Variants in SIDT1 observed in about 807,000 individuals in gnomAD.
The protein encoded by SIDT1 is SID1 transmembrane family, member 1.
In SIDT1, 101 loss-of-function variants were observed where a neutral mutation model predicts 107.5. That is an observed-to-expected ratio of 0.94 (90% CI 0.80 to 1.11). The LOEUF is 1.11. SIDT1 is among the 50% of genes least tolerant of loss of function. The pLI, the probability that SIDT1 is intolerant of heterozygous loss-of-function variation, is 0.00. For synonymous variants in SIDT1, 395 were observed against 398.2 expected (o/e 0.99, Z 0.10); for missense variants, 1,076 against 1,058.2 (o/e 1.02, Z -0.23).
Position 113,585,263 on chromosome 3 carries a change from T to C in SIDT1, c.994T>C (p.Tyr332His), listed in dbSNP as rs1281255918. 6.2e-7 allele frequency: 1 copy of C among 1,608,572 alleles called. No individual in the cohort carries two copies. The highest frequency in any genetic ancestry group is 8.5e-7 in the Non-Finnish European group (1 of 1,175,036). Residue 332 changes from tyrosine to histidine, a missense_variant, in exon 9 of 25, where the codon TAT (tyrosine) becomes CAT (histidine). Coordinates refer to ENST00000264852, the MANE Select transcript of SIDT1 (RefSeq NM_017699.3). The part of the protein sequence containing the change: ...LGCLLVGFVH[Y>H]LRFQRKSIDG... ...ATGCCTTCTTGTTGGGTTTGTTCAT[T>C]ATCTGAGGTAGGTCAATCTTTTCTA...
chr3:113,624,610 A>G (rs887411889), intron 23 of SIDT1, among the ~76,000 whole-genome samples: 1 of 152,212 alleles, frequency 6.6e-6, no homozygotes, highest in African/African-American at 2.4e-5. Context: ...TATAAAATTT[A>G]CCATCGTTAC....
chr3:113,581,177 C>T (rs536674308), intron 5 of SIDT1, among the ~76,000 whole-genome samples, 184 bp from the exon 6 acceptor site: 78 of 152,044 alleles, frequency 5.1e-4, no homozygotes, highest in African/African-American at 1.5e-3. Flanking sequence ...CTTTAGAGGA[C>T]GAGGCCCCAA....
Position 113,607,059 on chromosome 3 carries a change from A to AACTGGCG in SIDT1, c.1425_1426insTGGCGAC (p.Gln476TrpfsTer94). 1 of 1,612,518 alleles carries AACTGGCG rather than the reference A, an allele frequency of 6.2e-7. No individual in the cohort carries two copies. The highest frequency in any genetic ancestry group is 8.5e-7 in the Non-Finnish European group (1 of 1,178,542). ...TTTACAGGTGGTAAATGTCACTGGCAACCAGGACATCTGTTACTACAACTT... is the reference window on the plus strand; with the variant it reads ...TTTACAGGTGGTAAATGTCACTGGCAACTGGCGACCAGGACATCTGTTACTACAACTT... On this transcript the variant is annotated frameshift_variant, in exon 15 of 25. Coordinates refer to ENST00000264852, the MANE Select transcript of SIDT1 (RefSeq NM_017699.3). LOFTEE classifies it high-confidence loss of function.
intron 1 of SIDT1, among the ~76,000 whole-genome samples, chr3:113,539,705 G>A (rs770048067): frequency 3.9e-5 from 6 of 152,104 alleles, no homozygotes; most frequent in Non-Finnish European, 7.4e-5. Flanking sequence ...TACTATCTTA[G>A]TGTGTTTGTA....
intron 9 of SIDT1, among the ~76,000 whole-genome samples, chr3:113,589,298 C>T (rs17259475): frequency 0.16 from 23,780 of 152,132 alleles, 1,939 homozygotes; most frequent in Non-Finnish European, 0.19. Flanking sequence ...CCTGCCTTAT[C>T]CTAGCTTTGT....
At position 113,629,082 on chromosome 3, in the gene SIDT1, C is replaced by T. The variant is rs1463802776; in HGVS notation, c.*1374C>T. The T allele has an allele frequency of 6.6e-6, 1 of 152,174 alleles. No homozygotes were observed. Among genetic ancestry groups the T allele is most frequent in the Non-Finnish European group, 1.5e-5 (1 of 68,036 alleles). 9.4% of individuals were successfully genotyped at this position (152,174 alleles called of 1,614,324 possible). A position where few individuals can be genotyped will look rare whatever the true frequency, so the allele number is the denominator to read the frequency against. On this transcript the variant is annotated 3_prime_UTR_variant, in exon 25 of 25. Coordinates refer to ENST00000264852, the MANE Select transcript of SIDT1 (RefSeq NM_017699.3). ...TATTTGCTTGTGAAATTAAAGTCACCTCTTGCCTCTGCTTTCCTGATCATT... is the reference window on the plus strand; with the variant it reads ...TATTTGCTTGTGAAATTAAAGTCACTTCTTGCCTCTGCTTTCCTGATCATT...
the SIDT1 span, among the ~76,000 whole-genome samples, chr3:113,636,217 C>T: frequency 6.6e-6 from 1 of 151,840 alleles, no homozygotes; most frequent in Non-Finnish European, 1.5e-5. Context: ...CCAGCCTGGC[C>T]AACATGATGA....
chr3:113,588,260 T>C (rs527794233), intron 9 of SIDT1, among the ~76,000 whole-genome samples: 24 of 152,274 alleles, frequency 1.6e-4, no homozygotes, highest in African/African-American at 5.5e-4. Context: ...TCTCCAAATA[T>C]AGACAAAGTG....
intron 19 of SIDT1, among the ~76,000 whole-genome samples, chr3:113,612,569 G>A (rs1945832734): frequency 1.3e-5 from 2 of 152,152 alleles, no homozygotes; most frequent in Admixed American, 1.3e-4. Context: ...CATTCAAAGG[G>A]AGCATTTCTC....
At chr3:113,634,804 G>A in the SIDT1 span, among the ~76,000 whole-genome samples, 3 of 149,370 alleles carry the variant, frequency 2.0e-5, no homozygotes, top group East Asian at 1.9e-4. Flanking sequence ...GCTCCATCTC[G>A]AAAAAAATAC....
chr3:113,585,256 TG>T lies in SIDT1; in HGVS notation c.988del (p.Val330PhefsTer4). On this transcript the variant is annotated frameshift_variant, in exon 9 of 25. Coordinates refer to ENST00000264852, the MANE Select transcript of SIDT1 (RefSeq NM_017699.3). LOFTEE classifies it high-confidence loss of function. ...FYLGCLLVGF[V>X]HYLRFQRKSI... ...ACTTGGGATGCCTTCTTGTTGGGTT[TG>T]TTCATTATCTGAGGTAGGTCAATCT... 2 of 1,612,102 alleles carry T rather than the reference TG, an allele frequency of 1.2e-6. No homozygotes were observed. The highest frequency in any genetic ancestry group is 1.7e-6 in the Non-Finnish European group (2 of 1,178,226).
At chr3:113,614,757 A>C (rs1945986991) in intron 19 of SIDT1, among the ~76,000 whole-genome samples, 1 of 152,158 alleles carries the variant, frequency 6.6e-6, no homozygotes. Context: ...AGCTCTGGAA[A>C]AGGACCTCAG....
intron 1 of SIDT1, among the ~76,000 whole-genome samples, chr3:113,564,745 C>T (rs1941745433): frequency 6.6e-6 from 1 of 152,072 alleles, no homozygotes; most frequent in Non-Finnish European, 1.5e-5. Flanking sequence ...CCATTTCAGA[C>T]GCTTTGAGTG....
the SIDT1 span, among the ~76,000 whole-genome samples, chr3:113,636,348 A>G: frequency 2.0e-5 from 3 of 152,304 alleles, no homozygotes; most frequent in South Asian, 4.1e-4. Context: ...GGTTGCAGAG[A>G]GCTGAGATCG....
intron 10 of SIDT1, among the ~76,000 whole-genome samples, chr3:113,597,405 G>T (rs760911387): frequency 1.9e-4 from 28 of 151,090 alleles, no homozygotes; most frequent in Non-Finnish European, 3.7e-4. Flanking sequence ...GCTGAGGCAG[G>T]GGAATCACTT....
intron 1 of SIDT1, among the ~76,000 whole-genome samples, chr3:113,540,966 C>A (rs193178283): frequency 1.3e-5 from 2 of 152,048 alleles, no homozygotes; most frequent in African/African-American, 4.8e-5. Context: ...CTAGTTAATA[C>A]CCTTAAAGAA....
chr3:113,543,529 C>T (rs1471716036), intron 1 of SIDT1, among the ~76,000 whole-genome samples: 4 of 152,106 alleles, frequency 2.6e-5, no homozygotes, highest in Admixed American at 2.0e-4. Flanking sequence ...CTCCCACCCA[C>T]TCATGTTTCG....
chr3:113,573,635 G>T (rs1022605544), intron 3 of SIDT1, among the ~76,000 whole-genome samples: 1 of 152,156 alleles, frequency 6.6e-6, no homozygotes, highest in Non-Finnish European at 1.5e-5. Context: ...TTTGGGAGAT[G>T]ATTAGGTCGT....
Position 113,616,166 on chromosome 3 carries a change from C to A in SIDT1, c.2033C>A (p.Pro678His), listed in dbSNP as rs750888646. The change falls in exon 20 of 25, where the codon CCT (proline) becomes CAT (histidine). Residue 678 changes from proline (P) to histidine (H), a missense_variant. By Grantham distance (77) the Pro-to-His change is moderately conservative. Coordinates refer to ENST00000264852, the MANE Select transcript of SIDT1 (RefSeq NM_017699.3). ...YTDCIQQCSR[P>H]LYMDRMVLLV... The stretch of plus-strand genomic sequence containing the variant: ...GACTGTATCCAGCAGTGTAGCCGAC[C>A]TCTATATATGGTATGTGCATGTTCC... The A allele has an allele frequency of 5.6e-6, 9 of 1,612,664 alleles. No homozygotes were observed. The highest frequency in any genetic ancestry group is 3.3e-5 in the Admixed American group (2 of 60,026).
Sources: gnomAD v4.1 joint callset for allele counts (sites outside exome capture counted in the v4.1 genomes callset) on GRCh38, gnomAD v4.1.1 for gene constraint, MANE v1.5 for transcripts, NCBI Gene and HGNC (gene_info 2026-07-23, HGNC 2026-07-21) for gene names.